EVC2: variants seen among roughly 807,000 people sequenced by gnomAD.
EVC2 encodes EvC ciliary complex subunit 2.
EVC2 carries 148 observed loss-of-function variants against 149.3 expected under a neutral mutation model. That is an observed-to-expected ratio of 0.99 (90% confidence interval 0.87 to 1.14). The LOEUF (loss-of-function observed/expected upper bound fraction) is 1.14. Ranked by LOEUF, EVC2 falls within the 50% of genes most tolerant of loss-of-function variation. The pLI, the probability that EVC2 is intolerant of heterozygous loss-of-function variation, is 0.00. For missense variants in EVC2, 1,854 were observed against 1,627.3 expected (o/e 1.14, Z -2.40); for synonymous variants, 776 against 649.9 (o/e 1.19, Z -2.95).
At chr4:5,681,372 A>G in intron 6 of EVC2, 59 bp from the exon 7 acceptor site, 5 of 1,574,466 alleles carry the variant, frequency 3.2e-6, no homozygotes, top group Non-Finnish European at 4.4e-6. Flanking sequence ...CACGTGGGAT[A>G]ACATTTGGTG....
At chr4:5,550,823 C>G (rs746107832) in intron 21 of EVC2, among the ~76,000 whole-genome samples, 6 of 152,208 alleles carry the variant, frequency 3.9e-5, no homozygotes, top group Non-Finnish European at 8.8e-5. Context: ...TGTGTGCAGC[C>G]TAGGGACTTG....
the EVC2 span, among the ~76,000 whole-genome samples, chr4:5,534,274 T>C: frequency 9.9e-5 from 15 of 152,098 alleles, no homozygotes; most frequent in Non-Finnish European, 2.2e-4. Flanking sequence ...GGGTGGGAAT[T>C]TGTGGGTGCT....
upstream of EVC2, chr4:5,708,585 GC>G: frequency 1.8e-6 from 2 of 1,135,810 alleles, no homozygotes; most frequent in Non-Finnish European, 2.3e-6. Flanking sequence ...CCCCAGGCCC[GC>G]CCCGCCGCCG....
At chr4:5,580,834 G>A (rs1711693995) in intron 17 of EVC2, among the ~76,000 whole-genome samples, 1 of 152,252 alleles carries the variant, frequency 6.6e-6, no homozygotes, top group Non-Finnish European at 1.5e-5. Flanking sequence ...CAGTGTTGGA[G>A]GTGAGGCCTG....
Position 5,625,692 on chromosome 4 carries a change from T to C in EVC2, c.2046+57A>G. ...CAATGTCTGGCACAGTACCTGGCAC[T>C]TGATGGGTATCAGAAAGTGCCTATG... On this transcript the variant is annotated intron_variant, in intron 13 of 21. Transcript: ENST00000344408. The surrounding 1 kb of genome is among the most constrained non-coding windows in gnomAD (Gnocchi z 4.0). 1 of 1,610,012 alleles carries C rather than the reference T, an allele frequency of 6.2e-7. No individual in the cohort carries two copies. The highest frequency in any genetic ancestry group is 1.1e-5 in the South Asian group (1 of 90,842).
intron 17 of EVC2, among the ~76,000 whole-genome samples, chr4:5,578,251 G>T (rs959822902): frequency 6.6e-6 from 1 of 152,046 alleles, no homozygotes; most frequent in Admixed American, 6.5e-5. Flanking sequence ...CCAGCAGTCA[G>T]CACAGTGCAT....
rs367702153 is a variant in EVC2 at position 5,663,693 on chromosome 4, G to C, written c.1006-447C>G. On this transcript the variant is annotated intron_variant, in intron 8 of 21. Transcript: ENST00000344408. The stretch of plus-strand genomic sequence containing the variant: ...CCCAGCACTTTGGGAGGCTGAGGTG[G>C]ATGGATCACTTGAGGTTAGGAGTTT... Among the ~76,000 whole-genome samples, 62 of 152,282 alleles carry C rather than the reference G, an allele frequency of 4.1e-4. 1 individual carries two copies. The highest frequency in any genetic ancestry group is 1.3e-3 in the African/African-American group (56 of 41,568).
At chr4:5,655,161 AC>A (rs1356968704) in intron 9 of EVC2, among the ~76,000 whole-genome samples, 2 of 152,096 alleles carry the variant, frequency 1.3e-5, no homozygotes, top group East Asian at 3.9e-4. Context: ...CTCTCCAGTG[AC>A]CCCTTTACAA....
rs530451522 is a variant in EVC2 at position 5,568,511 on chromosome 4, C to A, written c.3490G>T (p.Glu1164Ter). The change falls in exon 20 of 22, where the codon GAG (glutamate) becomes TAG (stop). Residue 1164 changes from glutamate to a stop codon, truncating the protein, a stop_gained. Coordinates refer to ENST00000344408, the MANE Select transcript of EVC2 (RefSeq NM_147127.5). LOFTEE classifies it high-confidence loss of function. ...QLLALLDSATERHVDHAAESD... is the reference protein window; with the variant it reads ...QLLALLDSAT ...TCAGCTGCGTGGTCCACATGTCTCTCGGTGGCCGAATCCAGCAGGGCCAGC... is the reference window on the plus strand; with the variant it reads ...TCAGCTGCGTGGTCCACATGTCTCTAGGTGGCCGAATCCAGCAGGGCCAGC... 2 of 1,589,734 alleles carry A rather than the reference C, an allele frequency of 1.3e-6. No individual in the cohort carries two copies. Among genetic ancestry groups the A allele is most frequent in the Non-Finnish European group, 1.7e-6 (2 of 1,174,362 alleles).
intron 11 of EVC2, among the ~76,000 whole-genome samples, chr4:5,630,860 C>T (rs1000642251): frequency 3.3e-5 from 5 of 152,152 alleles, no homozygotes; most frequent in Non-Finnish European, 5.9e-5. Context: ...ATAGAAAATT[C>T]CATAAAATAA....
intron 1 of EVC2, among the ~76,000 whole-genome samples, chr4:5,707,774 G>A (rs961202488): frequency 6.6e-6 from 1 of 152,110 alleles, no homozygotes; most frequent in Non-Finnish European, 1.5e-5. Flanking sequence ...GGACCACAGA[G>A]GGAGGGCCAG....
At chr4:5,610,989 G>A (rs964116751) in intron 16 of EVC2, among the ~76,000 whole-genome samples, 1 of 152,076 alleles carries the variant, frequency 6.6e-6, no homozygotes, top group Non-Finnish European at 1.5e-5. Context: ...CAGTGATGCT[G>A]TCCCTCATGT....
chr4:5,708,363 G>A lies in EVC2; in HGVS notation c.151C>T (p.Gln51Ter), dbSNP rs1722352144. Reference protein sequence around the residue: ...PLGAQPPRDPQVAPRSGPGLR... With the variant: ...PLGAQPPRDP ...CCGGGCCCAGACCTAGGAGCCACCT[G>A]GGGATCCCGGGGTGGCTGCGCGCCG... The change falls in exon 1 of 22, where the codon CAG becomes TAG. Residue 51 changes from glutamine to a stop codon, truncating the protein, a stop_gained. Coordinates refer to ENST00000344408, the MANE Select transcript of EVC2 (RefSeq NM_147127.5). LOFTEE classifies it high-confidence loss of function. 1 of 1,487,878 alleles carries A rather than the reference G, an allele frequency of 6.7e-7. No homozygotes were observed. Among genetic ancestry groups the A allele is most frequent in the African/African-American group, 1.5e-5 (1 of 68,478 alleles). 92.2% of individuals were successfully genotyped at this position (1,487,878 alleles called of 1,614,324 possible). A position where few individuals can be genotyped will look rare whatever the true frequency, so the allele number is the denominator to read the frequency against.
rs1426768434 is a variant in EVC2 at position 5,576,815 on chromosome 4, T to C, written c.3058-361A>G. Among the ~76,000 whole-genome samples, 1 of 152,190 alleles carries C rather than the reference T, an allele frequency of 6.6e-6. No individual in the cohort carries two copies. The highest frequency in any genetic ancestry group is 1.5e-5 in the Non-Finnish European group (1 of 68,018). ...AGATGCCCTCTCCTCATGTGCCCAC[T>C]CACTACCCCTTGCATGCACTCTGTT... On this transcript the variant is annotated intron_variant, in intron 17 of 21. Coordinates refer to ENST00000344408, the MANE Select transcript of EVC2 (RefSeq NM_147127.5). This position sits in a 1 kb window ranked among gnomAD's most constrained non-coding sequence, Gnocchi z 4.5.
At chr4:5,565,993 C>G (rs1722259636) in intron 20 of EVC2, among the ~76,000 whole-genome samples, 1 of 152,240 alleles carries the variant, frequency 6.6e-6, no homozygotes, top group Non-Finnish European at 1.5e-5. Flanking sequence ...GCCTCCCCCA[C>G]TGGGATGAAT....
chr4:5,549,293 C>T (rs1721689144), intron 21 of EVC2, among the ~76,000 whole-genome samples: 2 of 152,122 alleles, frequency 1.3e-5, no homozygotes, highest in Non-Finnish European at 2.9e-5. Context: ...TTACTCCCTG[C>T]AATAATTGTA....
intron 1 of EVC2, among the ~76,000 whole-genome samples, chr4:5,707,601 G>C (rs2151749318): frequency 6.6e-6 from 1 of 152,264 alleles, no homozygotes; most frequent in South Asian, 2.1e-4. Context: ...CCAAGGGCTG[G>C]AAGTGAAGTG....
At position 5,639,701 on chromosome 4, in the gene EVC2, T is replaced by C. The variant is rs191136691; in HGVS notation, c.1470+813A>G. Among the ~76,000 whole-genome samples the C allele has an allele frequency of 7.9e-5, 12 of 152,342 alleles. 1 individual carries two copies. In the East Asian group the frequency reaches 1.7e-3, roughly 22 times the overall value. ...GAGAACTGTAACCTAACAGGCTATATAGTCCAGAGGGGGACACGTGGACTC... is the reference window on the plus strand; with the variant it reads ...GAGAACTGTAACCTAACAGGCTATACAGTCCAGAGGGGGACACGTGGACTC... On this transcript the variant is annotated intron_variant, in intron 10 of 21. Transcript: ENST00000344408.
At chr4:5,530,676 A>G in the EVC2 span, among the ~76,000 whole-genome samples, 1 of 152,100 alleles carries the variant, frequency 6.6e-6, no homozygotes, top group African/African-American at 2.4e-5. Flanking sequence ...CCTCTGACAA[A>G]TCTCTAGGAT....
Sources: allele counts gnomAD v4.1 joint callset (sites outside exome capture counted in the v4.1 genomes callset), GRCh38; gene constraint gnomAD v4.1.1; non-coding constraint Gnocchi (gnomAD v3.1); transcripts MANE v1.5; gene names NCBI Gene and HGNC (gene_info 2026-07-23, HGNC 2026-07-21).